RPS6KA2: variants seen among roughly 807,000 people sequenced by gnomAD.
RPS6KA2 encodes ribosomal protein S6 kinase alpha-2.
A neutral mutation model predicts 91.8 loss-of-function variants in RPS6KA2; 42 were observed. The observed-to-expected ratio is 0.46, with a 90% CI of 0.36 to 0.59. The LOEUF (loss-of-function observed/expected upper bound fraction) is 0.59, where lower values mean the gene tolerates loss of function less well. Among genes scored for constraint, RPS6KA2 ranks in the 20% least tolerant of loss-of-function variants. The probability of loss-of-function intolerance (pLI) is 0.00; values close to 1 mark genes in which losing one functional copy is unlikely to be tolerated. For missense variants in RPS6KA2, 798 were observed against 978.5 expected (o/e 0.82, Z 2.46); for synonymous variants, 414 against 393.6 (o/e 1.05, Z -0.61).
intron 2 of RPS6KA2, among the ~76,000 whole-genome samples, chr6:166,706,776 G>A (rs917495981): frequency 1.3e-5 from 2 of 152,170 alleles, no homozygotes; most frequent in African/African-American, 4.8e-5. Context: ...CTGTTACTGT[G>A]TATCTTAAAG....
chr6:166,837,702 C>T (rs71571460), intron 2 of RPS6KA2, among the ~76,000 whole-genome samples: 28,494 of 152,160 alleles, frequency 0.19, 2,909 homozygotes, highest in African/African-American at 0.23. Flanking sequence ...CTGCCCCTCC[C>T]GGGCTCCCCA....
intron 1 of RPS6KA2, among the ~76,000 whole-genome samples, chr6:166,566,589 C>A (rs1784512188): frequency 6.6e-6 from 1 of 152,212 alleles, no homozygotes; most frequent in South Asian, 2.1e-4. Flanking sequence ...TGCTATGGTC[C>A]CTGGAAGTCC....
chr6:166,727,230 T>C (rs571607722), intron 2 of RPS6KA2, among the ~76,000 whole-genome samples: 1 of 152,294 alleles, frequency 6.6e-6, no homozygotes, highest in South Asian at 2.1e-4. Flanking sequence ...GGAATCATTC[T>C]GCTGATGTGT....
At position 166,417,650 on chromosome 6, in the gene RPS6KA2, CA is replaced by C. The variant is rs1302777092; in HGVS notation, c.1938+574del. The stretch of plus-strand genomic sequence containing the variant: ...ACACACACACACACACACACACACA[CA>C]CGCACGCATGTTCTGTTTGTTTCTT... On this transcript the variant is annotated intron_variant, in intron 19 of 20. Transcript: ENST00000265678. Among the ~76,000 whole-genome samples, 921 of 148,452 alleles carry C rather than the reference CA, an allele frequency of 6.2e-3. 8 individuals carry two copies. The highest frequency in any genetic ancestry group is 0.021 in the Middle Eastern group (6 of 292).
chr6:166,439,255 G>A (rs1304498008), intron 14 of RPS6KA2, among the ~76,000 whole-genome samples: 4 of 152,118 alleles, frequency 2.6e-5, no homozygotes, highest in Non-Finnish European at 5.9e-5. Flanking sequence ...TTACAGGCAC[G>A]CGCCACCATG....
Position 166,423,877 on chromosome 6 carries a change from T to C in RPS6KA2, c.1582-460A>G, listed in dbSNP as rs112594344. The C allele has an allele frequency of 0.011, 1,656 of 153,268 alleles. 30 individuals are homozygous for C. The highest frequency in any genetic ancestry group is 0.036 in the African/African-American group (1,487 of 41,590). 9.5% of individuals were successfully genotyped at this position (153,268 alleles called of 1,614,324 possible). On this transcript the variant is annotated intron_variant, in intron 16 of 20. Coordinates refer to ENST00000265678, the MANE Select transcript of RPS6KA2 (RefSeq NM_021135.6). This position sits in a 1 kb window ranked among gnomAD's most constrained non-coding sequence, Gnocchi z 4.8. ...AGCACAGATCAGGCACCTGCTGTCC[T>C]GGGTGCAGCAACTCGTTGGGGAGAC...
At chr6:166,704,631 C>T (rs1789624141) in intron 2 of RPS6KA2, among the ~76,000 whole-genome samples, 1 of 152,200 alleles carries the variant, frequency 6.6e-6, no homozygotes, top group African/African-American at 2.4e-5. Flanking sequence ...TCCTGTCTGG[C>T]CATGTGTTTG....
At chr6:166,606,212 C>T (rs1785949669) in intron 1 of RPS6KA2, among the ~76,000 whole-genome samples, 1 of 152,198 alleles carries the variant, frequency 6.6e-6, no homozygotes. Flanking sequence ...CATCTGCACC[C>T]CACTTCTTTT....
intron 13 of RPS6KA2, among the ~76,000 whole-genome samples, chr6:166,449,850 A>ACAG (rs1779808303): frequency 1.1e-5 from 1 of 87,008 alleles, no homozygotes; most frequent in East Asian, 2.6e-4. Context: ...GACAACCACG[A>ACAG]GGACCACCAT....
At position 166,746,103 on chromosome 6, in the gene RPS6KA2, A is replaced by G. The variant is rs140069330; in HGVS notation, c.123+112097T>C. ...CTTCCGCCTCTACAGATTTCTTTAG[A>G]TGGTCCTTTCAGCAAAGAAGCCAGT... is the stretch of plus-strand genomic sequence containing the variant. On this transcript the variant is annotated intron_variant, in intron 2 of 21. Transcript: ENST00000503859. Among the ~76,000 whole-genome samples, 456 of 152,252 alleles carry G rather than the reference A, an allele frequency of 3.0e-3. 2 individuals are homozygous for G. The highest frequency in any genetic ancestry group is 5.2e-3 in the Non-Finnish European group (353 of 68,006).
intron 2 of RPS6KA2, among the ~76,000 whole-genome samples, chr6:166,633,941 C>A (rs115407171): frequency 6.6e-6 from 1 of 152,066 alleles, no homozygotes; most frequent in African/African-American, 2.4e-5. Flanking sequence ...TAGAGGGACA[C>A]GGGGACGGTT....
chr6:166,637,952 C>T (rs1361378260), intron 2 of RPS6KA2, among the ~76,000 whole-genome samples: 3 of 152,318 alleles, frequency 2.0e-5, no homozygotes, highest in South Asian at 4.1e-4. Flanking sequence ...GATGAGGAAT[C>T]GTGGTTGAAC....
chr6:166,841,759 G>A (rs946266790), intron 2 of RPS6KA2, among the ~76,000 whole-genome samples: 3 of 152,204 alleles, frequency 2.0e-5, no homozygotes, highest in African/African-American at 7.2e-5. Flanking sequence ...CTTTTGACAT[G>A]GTATGACGGT....
intron 2 of RPS6KA2, among the ~76,000 whole-genome samples, chr6:166,804,362 A>G (rs781418975): frequency 4.0e-5 from 6 of 151,776 alleles, no homozygotes; most frequent in Admixed American, 6.6e-5. Flanking sequence ...TGTTTTGTCC[A>G]TTAATTTTTT....
Position 166,641,719 on chromosome 6 carries a change from C to CAAAAA in RPS6KA2, c.124-102940_124-102936dup, listed in dbSNP as rs71032871. On this transcript the variant is annotated intron_variant, in intron 2 of 21. Coordinates refer to the RPS6KA2 transcript ENST00000503859. ...TGGGTAAAAGAGTGAGACTCTGTCA[C>CAAAAA]AAAAAAAAAAAAAAAAAAAAAAAAA... Among the ~76,000 whole-genome samples the CAAAAA allele has an allele frequency of 1.8e-3, 52 of 28,552 alleles. 4 individuals are homozygous for CAAAAA. The highest frequency in any genetic ancestry group is 2.7e-3 in the Non-Finnish European group (35 of 12,978). The allele number at this position is 28,552 out of a possible 152,430, so 18.7% of individuals were successfully genotyped here.
In RPS6KA2 at chr6:166,847,656, G is replaced by T. The variant is rs1460248915; in HGVS notation, c.123+10544C>A. ...ACAAAGCAAACAAAAACATAAAGTA[G>T]GGAAAGGACACCCTATTCAACATAT... is the stretch of plus-strand genomic sequence containing the variant. On this transcript the variant is annotated intron_variant, in intron 2 of 21. Coordinates refer to the RPS6KA2 transcript ENST00000503859. 2.6e-5 allele frequency among the ~76,000 whole-genome samples: 4 copies of T among 152,058 alleles called. No homozygotes were observed. In the East Asian group the frequency reaches 5.8e-4, roughly 22 times the overall value.
intron 2 of RPS6KA2, among the ~76,000 whole-genome samples, chr6:166,851,253 G>T (rs1182723378): frequency 6.6e-6 from 1 of 152,180 alleles, no homozygotes; most frequent in Non-Finnish European, 1.5e-5. Flanking sequence ...GTCCTCAGGG[G>T]CTCAGACCTG....
chr6:166,753,251 T>TC (rs1777903030), intron 2 of RPS6KA2, among the ~76,000 whole-genome samples: 2 of 152,114 alleles, frequency 1.3e-5, no homozygotes, highest in Admixed American at 1.3e-4. Flanking sequence ...GGAAGAACAG[T>TC]CCCCCTCAGG....
intron 8 of RPS6KA2, among the ~76,000 whole-genome samples, chr6:166,491,181 G>A (rs562286522): frequency 4.7e-4 from 71 of 152,304 alleles, no homozygotes; most frequent in African/African-American, 1.6e-3. Context: ...CTGGATGGTG[G>A]GGGCTAGAGT....
Sources: allele counts gnomAD v4.1 joint callset (sites outside exome capture counted in the v4.1 genomes callset), GRCh38; gene constraint gnomAD v4.1.1; non-coding constraint Gnocchi (gnomAD v3.1); transcripts MANE v1.5; gene names NCBI Gene and HGNC (gene_info 2026-07-23, HGNC 2026-07-21).